ZNF880: variants seen among roughly 807,000 people sequenced by gnomAD.
ZNF880 encodes zinc finger protein 880.
Under a neutral mutation model 11.8 loss-of-function variants are expected in ZNF880, and 12 were observed. That is an observed-to-expected ratio of 1.02 (90% CI 0.65 to 1.65). ZNF880 has a LOEUF of 1.65. Among genes scored for constraint, ZNF880 ranks in the 40% most tolerant of loss-of-function variants. ZNF880 has a pLI of 0.00. For missense variants in ZNF880, 601 were observed against 673.9 expected (o/e 0.89, Z 1.20); for synonymous variants, 210 against 232.4 (o/e 0.90, Z 0.88).
intron 3 of ZNF880, among the ~76,000 whole-genome samples, chr19:52,375,281 A>G (rs1270930468): frequency 1.3e-5 from 2 of 150,778 alleles, no homozygotes; most frequent in African/African-American, 4.9e-5. Context: ...CTGCCTCTCA[A>G]TTTCAAGCCA....
chr19:52,370,825 T>C (rs1986344186), intron 1 of ZNF880, among the ~76,000 whole-genome samples: 2 of 152,232 alleles, frequency 1.3e-5, no homozygotes, highest in African/African-American at 2.4e-5. Context: ...GGTGCACGCT[T>C]GTCATTCGAG....
intron 1 of ZNF880, 112 bp downstream of exon 1, chr19:52,370,089 C>T: frequency 1.5e-6 from 2 of 1,370,452 alleles, no homozygotes; most frequent in Non-Finnish European, 1.0e-6. Flanking sequence ...GCTCCCTCCA[C>T]CCCGACTAAA....
chr19:52,373,669 ATTTTTTTTTT>A (rs35788651), intron 2 of ZNF880, among the ~76,000 whole-genome samples: 2 of 102,578 alleles, frequency 1.9e-5, no homozygotes, highest in Non-Finnish European at 3.8e-5. Flanking sequence ...AAATACTGTA[ATTTTTTTTTT>A]TTTTTTTTTT....
chr19:52,384,234 C>G lies in ZNF880; in HGVS notation c.654C>G (p.Asp218Glu). ...ACCCTTACAAATGTAATGAATGTGA[C>G]AAGGTCTTCAGTAACAGTTCAAACC... ...ADNPYKCNECDKVFSNSSNLV... is the reference protein window; with the variant it reads ...ADNPYKCNECEKVFSNSSNLV... The change falls in exon 4 of 4, where the codon GAC becomes GAG. Residue 218 changes from aspartate (D) to glutamate (E), a missense_variant. This residue lies in a region of ZNF880 where 420 missense variants were observed against 442.6 expected (regional missense o/e 0.95). Transcript: ENST00000422689. 6.2e-7 allele frequency: 1 copy of G among 1,612,720 alleles called. No homozygotes were observed. Among genetic ancestry groups the G allele is most frequent in the Non-Finnish European group, 8.5e-7 (1 of 1,179,156 alleles).
intron 3 of ZNF880, among the ~76,000 whole-genome samples, chr19:52,378,621 T>C (rs1341384517): frequency 7.6e-6 from 1 of 130,808 alleles, no homozygotes; most frequent in Non-Finnish European, 1.6e-5. Context: ...CACTCTGGCC[T>C]GGTGACAGAG....
At position 52,380,574 on chromosome 19, in the gene ZNF880, T is replaced by C. The variant is rs374017531; in HGVS notation, c.269-3275T>C. Among the ~76,000 whole-genome samples the C allele has an allele frequency of 4.6e-5, 7 of 152,346 alleles. No individual in the cohort carries two copies. In the East Asian group the frequency reaches 1.3e-3, roughly 29 times the overall value. On this transcript the variant is annotated intron_variant, in intron 3 of 3. Transcript: ENST00000422689. Reference sequence around the variant, plus strand: ...TATTAACATCTTATCGGAGGTTTGATTTGCAAATATTTTGTTACATTAAGT... The same window carrying C: ...TATTAACATCTTATCGGAGGTTTGACTTGCAAATATTTTGTTACATTAAGT...
At chr19:52,389,694 C>G (rs1296061350), downstream of ZNF880, 2 of 152,304 alleles carry the variant, frequency 1.3e-5, no homozygotes, top group Admixed American at 1.3e-4. Context: ...CACGGCTGCA[C>G]TAGGCGAGTA....
chr19:52,387,452 C>CTTTTT (rs10646059), downstream of ZNF880, among the ~76,000 whole-genome samples: 12 of 127,308 alleles, frequency 9.4e-5, 2 homozygotes, highest in East Asian at 1.7e-3. Context: ...ATGACAAATA[C>CTTTTT]TTTTTTTTTT....
chr19:52,368,405 C>T (rs969377207), upstream of ZNF880, among the ~76,000 whole-genome samples: 29 of 152,160 alleles, frequency 1.9e-4, no homozygotes, highest in African/African-American at 7.0e-4. Context: ...TTTTTGACCA[C>T]TCTTCTGGAA....
chr19:52,368,215 A>T (rs577372629), upstream of ZNF880, among the ~76,000 whole-genome samples: 161 of 63,454 alleles, frequency 2.5e-3, 5 homozygotes, highest in East Asian at 0.012. Context: ...AAAAAAAAAA[A>T]AATAATAATA....
chr19:52,391,522 A>AAGCTGGGAAAAATAAAGAGAAAAAAAT, the ZNF880 span: 1 of 152,140 alleles, frequency 6.6e-6, no homozygotes, highest in Admixed American at 6.6e-5. Flanking sequence ...GAGAAAAAAA[A>AAGCTGGGAAAAATAAAGAGAAAAAAAT]AGCTAGGAAA....
chr19:52,391,684 A>G, the ZNF880 span: 1 of 152,194 alleles, frequency 6.6e-6, no homozygotes, highest in African/African-American at 2.4e-5. Flanking sequence ...GATGAAGATG[A>G]GAATTGGAAA....
At chr19:52,375,944 G>C (rs1986539334) in intron 3 of ZNF880, among the ~76,000 whole-genome samples, 1 of 152,196 alleles carries the variant, frequency 6.6e-6, no homozygotes. Context: ...AAGTGAGTTA[G>C]TTCATTTAGA....
At chr19:52,386,042 G>A (rs1365656258), downstream of ZNF880, among the ~76,000 whole-genome samples, 4 of 142,222 alleles carry the variant, frequency 2.8e-5, 1 homozygote, top group Non-Finnish European at 6.1e-5. Context: ...AGGCATGGTG[G>A]CAGACGCCTG....
In ZNF880 at chr19:52,384,570, C is replaced by T. The variant is rs763803030; in HGVS notation, c.990C>T (p.Gly330=). The change falls in exon 4 of 4, where the codon GGC becomes GGT. Residue 330 remains glycine, a synonymous_variant. Coordinates refer to ENST00000422689, the MANE Select transcript of ZNF880 (RefSeq NM_001145434.2). ...AACCTTACAAATGTAAGGAATGTGG[C>T]AAAGCATTTTCAGGGGGTTCAGGCC... The part of the protein sequence containing the change: ...GEKPYKCKEC[G]KAFSGGSGLT... 33 of 1,613,624 alleles carry T rather than the reference C, an allele frequency of 2.0e-5. No homozygotes were observed. In the Admixed American group the frequency reaches 5.2e-4, roughly 25 times the overall value.
At chr19:52,372,203 A>AT (rs1986394421) in intron 1 of ZNF880, among the ~76,000 whole-genome samples, 1 of 151,358 alleles carries the variant, frequency 6.6e-6, no homozygotes, top group Non-Finnish European at 1.5e-5. Flanking sequence ...AAAATTATAT[A>AT]TATTGTATCT....
chr19:52,394,221 T>C, the ZNF880 span, among the ~76,000 whole-genome samples: 5 of 152,056 alleles, frequency 3.3e-5, no homozygotes, highest in Non-Finnish European at 7.4e-5. Flanking sequence ...TGCTAGTGTA[T>C]AGAAATATAC....
At chr19:52,378,868 A>G (rs1488274645) in intron 3 of ZNF880, among the ~76,000 whole-genome samples, 3 of 151,930 alleles carry the variant, frequency 2.0e-5, no homozygotes, top group Non-Finnish European at 4.4e-5. Flanking sequence ...GATTGAGCCC[A>G]GGAGTTTGAG....
chr19:52,374,687 C>T (rs989462210), intron 3 of ZNF880: 1 of 623,122 alleles, frequency 1.6e-6, no homozygotes, highest in African/African-American at 1.9e-5. Flanking sequence ...TGAGAGAATT[C>T]TTTGGGAAAA....
Sources: allele counts gnomAD v4.1 joint callset (sites outside exome capture counted in the v4.1 genomes callset), GRCh38; gene constraint gnomAD v4.1.1; regional missense constraint gnomAD v4.1.1; transcripts MANE v1.5; gene names NCBI Gene and HGNC (gene_info 2026-07-23, HGNC 2026-07-21).